Variants in PPP2R2C observed in about 807,000 individuals in gnomAD.
PPP2R2C encodes the protein protein phosphatase 2, regulatory subunit B, gamma.
Under a neutral mutation model 45.3 loss-of-function variants are expected in PPP2R2C, and 10 were observed. The observed-to-expected ratio is 0.22, with a 90% CI of 0.14 to 0.37. The LOEUF is 0.37. Among genes scored for constraint, PPP2R2C ranks in the 10% least tolerant of loss-of-function variants. The probability of loss-of-function intolerance (pLI) is 1.00; values close to 1 mark genes in which losing one functional copy is unlikely to be tolerated. For synonymous variants in PPP2R2C, 257 were observed against 245.4 expected, an observed-to-expected ratio of 1.05 and a Z score of -0.44; for missense variants, 308 against 619.7, an observed-to-expected ratio of 0.50 and a Z score of 5.34.
At chr4:6,436,082 A>G (rs1719878856) in intron 1 of PPP2R2C, among the ~76,000 whole-genome samples, 1 of 152,210 alleles carries the variant, frequency 6.6e-6, no homozygotes, top group Non-Finnish European at 1.5e-5. Context: ...CTGCCACGCA[A>G]GCACACAGCA....
intron 2 of PPP2R2C, among the ~76,000 whole-genome samples, chr4:6,496,401 C>A (rs531765625): frequency 1.3e-5 from 2 of 152,346 alleles, no homozygotes; most frequent in East Asian, 3.9e-4. Context: ...ATGGACGCAA[C>A]AGAGGCTTTG....
upstream of PPP2R2C, among the ~76,000 whole-genome samples, chr4:6,476,390 C>A (rs1305561660): frequency 1.3e-5 from 2 of 152,074 alleles, no homozygotes; most frequent in East Asian, 3.9e-4. Flanking sequence ...GATTAGGTCC[C>A]AAGGGTGGGG....
intron 2 of PPP2R2C, among the ~76,000 whole-genome samples, chr4:6,529,354 C>T (rs1490673262): frequency 6.6e-6 from 1 of 152,268 alleles, no homozygotes; most frequent in Non-Finnish European, 1.5e-5. Flanking sequence ...CCTCTAGGCA[C>T]CACCTGAGCC....
rs540177907 is a variant in PPP2R2C, at chr4:6,416,290, C to A, written c.71-35196G>T. On this transcript the variant is annotated intron_variant, in intron 1 of 8. Transcript: ENST00000382599. ...ATGTGTGGTTTTCCCCATTTTACAA[C>A]AGAGAAAACTGAGGTTCAGAAAGGT... Among the ~76,000 whole-genome samples the A allele has an allele frequency of 6.6e-5, 10 of 152,288 alleles. No homozygotes were observed. In the East Asian group the frequency reaches 1.9e-3, roughly 29 times the overall value.
chr4:6,380,862 G>A, intron 2 of PPP2R2C, 135 bp downstream of exon 2: 1 of 1,334,464 alleles, frequency 7.5e-7, no homozygotes, highest in East Asian at 2.6e-5. Flanking sequence ...CTTGTGGGTT[G>A]GAGTATAGTC....
intron 2 of PPP2R2C, among the ~76,000 whole-genome samples, chr4:6,505,797 C>T (rs1723207341): frequency 6.6e-6 from 1 of 152,080 alleles, no homozygotes; most frequent in African/African-American, 2.4e-5. Flanking sequence ...GAAACCTTGT[C>T]TCTACTAAAA....
At chr4:6,551,906 G>A (rs1353785068) in intron 1 of PPP2R2C, among the ~76,000 whole-genome samples, 1 of 152,202 alleles carries the variant, frequency 6.6e-6, no homozygotes, top group Non-Finnish European at 1.5e-5. Flanking sequence ...GAAACACAAT[G>A]AAATGGCCAT....
intron 7 of PPP2R2C, among the ~76,000 whole-genome samples, chr4:6,333,010 A>G (rs1732536772): frequency 1.3e-5 from 2 of 152,170 alleles, no homozygotes; most frequent in Admixed American, 1.3e-4. Flanking sequence ...ACCCCCTAAC[A>G]TATCTGAATG....
intron 2 of PPP2R2C, among the ~76,000 whole-genome samples, chr4:6,520,992 A>G (rs1008386189): frequency 6.6e-6 from 1 of 152,204 alleles, no homozygotes; most frequent in African/African-American, 2.4e-5. Flanking sequence ...ATACCTCCTT[A>G]TCCTGATAGG....
intron 5 of PPP2R2C, chr4:6,350,390 G>A (rs753852809): frequency 2.7e-5 from 27 of 985,316 alleles, no homozygotes; most frequent in Non-Finnish European, 3.1e-5. Flanking sequence ...ACATTAGTGC[G>A]ACGGCCCATG....
chr4:6,343,847 G>A, intron 6 of PPP2R2C, among the ~76,000 whole-genome samples: 1 of 152,206 alleles, frequency 6.6e-6, no homozygotes, highest in East Asian at 1.9e-4. Flanking sequence ...TTCATTTTAG[G>A]AGAGTTGAAT....
chr4:6,357,939 C>G (rs1713361918), intron 5 of PPP2R2C, among the ~76,000 whole-genome samples: 1 of 152,200 alleles, frequency 6.6e-6, no homozygotes, highest in African/African-American at 2.4e-5. Context: ...TCCTTCATCT[C>G]CCCATCAAGC....
chr4:6,493,615 TA>T (rs1722781093), intron 2 of PPP2R2C, among the ~76,000 whole-genome samples: 1 of 150,904 alleles, frequency 6.6e-6, no homozygotes, highest in Non-Finnish European at 1.5e-5. Context: ...AAATGAAAGA[TA>T]AATTTATGCC....
At chr4:6,488,303 T>G (rs546922211) in intron 2 of PPP2R2C, among the ~76,000 whole-genome samples, 27 of 152,336 alleles carry the variant, frequency 1.8e-4, no homozygotes, top group African/African-American at 5.3e-4. Context: ...GACTTTGTGA[T>G]TTTTGCCTTT....
At chr4:6,451,318 C>T (rs1169860202) in intron 1 of PPP2R2C, among the ~76,000 whole-genome samples, 1 of 152,270 alleles carries the variant, frequency 6.6e-6, no homozygotes, top group African/African-American at 2.4e-5. Flanking sequence ...CCCTGCCCTC[C>T]TGTAGCCCAG....
chr4:6,547,801 A>G (rs1477183764), intron 1 of PPP2R2C, among the ~76,000 whole-genome samples: 1 of 152,206 alleles, frequency 6.6e-6, no homozygotes, highest in Non-Finnish European at 1.5e-5. Flanking sequence ...TCTCAGAGAA[A>G]AATTGGTTCA....
intron 1 of PPP2R2C, among the ~76,000 whole-genome samples, chr4:6,404,430 TC>T (rs1314643728): frequency 2.0e-5 from 3 of 152,174 alleles, no homozygotes; most frequent in African/African-American, 7.2e-5. Flanking sequence ...TGCCAGCTGC[TC>T]CTGACCTCGC....
At chr4:6,465,678 T>C (rs4689009) in intron 1 of PPP2R2C, among the ~76,000 whole-genome samples, 60,571 of 151,938 alleles carry the variant, frequency 0.4, 13,569 homozygotes, top group Non-Finnish European at 0.52. Context: ...CTTAAACTCT[T>C]AGCGTGCATT....
intron 1 of PPP2R2C, among the ~76,000 whole-genome samples, chr4:6,555,332 G>T (rs1481779760): frequency 6.6e-6 from 1 of 152,184 alleles, no homozygotes; most frequent in East Asian, 1.9e-4. Flanking sequence ...GCTGCCCTGT[G>T]CAATCATTCA....
Sources: allele counts gnomAD v4.1 joint callset (sites outside exome capture counted in the v4.1 genomes callset), GRCh38; gene constraint gnomAD v4.1.1; transcripts MANE v1.5; gene names NCBI Gene and HGNC (gene_info 2026-07-23, HGNC 2026-07-21).